Variants in KHDRBS2 observed in about 807,000 individuals in gnomAD.
KHDRBS2 encodes KH domain-containing, RNA-binding, signal transduction-associated protein 2.
Under a neutral mutation model 44.3 loss-of-function variants are expected in KHDRBS2, and 26 were observed. The observed-to-expected ratio is 0.59, with a 90% confidence interval of 0.43 to 0.81. KHDRBS2 has a LOEUF of 0.81. Ranked by LOEUF, KHDRBS2 falls within the 40% of genes least tolerant of loss-of-function variation. The probability of loss-of-function intolerance (pLI) is 0.00; values close to 1 mark genes in which losing one functional copy is unlikely to be tolerated. For missense variants in KHDRBS2, 476 were observed against 433.1 expected, an observed-to-expected ratio of 1.10 and a Z score of -0.88; for synonymous variants, 194 against 151.1, an observed-to-expected ratio of 1.28 and a Z score of -2.08.
intron 3 of KHDRBS2, among the ~76,000 whole-genome samples, chr6:61,984,900 C>A (rs1310333983): frequency 6.6e-6 from 1 of 152,200 alleles, no homozygotes; most frequent in Non-Finnish European, 1.5e-5. Context: ...GTATGTACCA[C>A]ATTACATATT....
chr6:61,631,328 A>AAAAAAAAAAAAC, the KHDRBS2 span, among the ~76,000 whole-genome samples: 1 of 126,714 alleles, frequency 7.9e-6, no homozygotes, highest in South Asian at 2.4e-4. Flanking sequence ...AAAAAAAAAA[A>AAAAAAAAAAAAC]AAAAAAAAAG....
intron 6 of KHDRBS2, among the ~76,000 whole-genome samples, chr6:61,883,625 T>A (rs1562365341): frequency 6.6e-6 from 1 of 152,066 alleles, no homozygotes; most frequent in Non-Finnish European, 1.5e-5. Flanking sequence ...AAAGGTGACA[T>A]CTTACATAAC....
intron 3 of KHDRBS2, among the ~76,000 whole-genome samples, chr6:62,028,517 G>A (rs190664022): frequency 5.8e-4 from 88 of 152,060 alleles, no homozygotes; most frequent in African/African-American, 2.0e-3. Context: ...CTTATACATG[G>A]TAAATGTAAT....
In KHDRBS2 at chr6:62,155,626, A is replaced by G. The variant is rs118161384; in HGVS notation, c.219+21559T>C. ...GCCCCAACACTGTCCAAGACATAGTAAAGTATGCATGCATCATTTTATTCA... is the reference window on the plus strand; with the variant it reads ...GCCCCAACACTGTCCAAGACATAGTGAAGTATGCATGCATCATTTTATTCA... On this transcript the variant is annotated intron_variant, in intron 2 of 8. Coordinates refer to ENST00000281156, the MANE Select transcript of KHDRBS2 (RefSeq NM_152688.4). 1.8e-4 allele frequency among the ~76,000 whole-genome samples: 27 copies of G among 152,330 alleles called. 1 individual carries two copies. In the East Asian group the frequency reaches 4.4e-3, roughly 25 times the overall value.
chr6:62,022,711 C>A (rs1193537231), intron 3 of KHDRBS2, among the ~76,000 whole-genome samples: 1 of 151,662 alleles, frequency 6.6e-6, no homozygotes, highest in Admixed American at 6.6e-5. Flanking sequence ...AAAAAACATT[C>A]AAAGACCAAT....
At chr6:61,566,714 G>T in the KHDRBS2 span, among the ~76,000 whole-genome samples, 2 of 99,164 alleles carry the variant, frequency 2.0e-5, no homozygotes, top group East Asian at 2.7e-4. Flanking sequence ...TTTAAAAAAC[G>T]TTCGCTCTTT....
chr6:61,678,008 T>C (rs1186315921), downstream of KHDRBS2, among the ~76,000 whole-genome samples: 17 of 151,826 alleles, frequency 1.1e-4, no homozygotes, highest in Non-Finnish European at 4.4e-5. Context: ...TTAACATATA[T>C]TATGGATATT....
At chr6:62,052,290 C>T (rs1279834938) in intron 2 of KHDRBS2, among the ~76,000 whole-genome samples, 6 of 151,614 alleles carry the variant, frequency 4.0e-5, no homozygotes, top group African/African-American at 1.5e-4. Flanking sequence ...TATTATTCAG[C>T]CTGAAAAACA....
chr6:62,116,723 T>C (rs1294322499), intron 2 of KHDRBS2, among the ~76,000 whole-genome samples: 1 of 152,166 alleles, frequency 6.6e-6, no homozygotes, highest in Non-Finnish European at 1.5e-5. Context: ...TCTAACCATA[T>C]ATATGTATAA....
intron 6 of KHDRBS2, among the ~76,000 whole-genome samples, chr6:61,733,455 C>T (rs1352745335): frequency 1.3e-5 from 2 of 151,882 alleles, no homozygotes; most frequent in African/African-American, 2.4e-5. Context: ...TTTAGCCAGG[C>T]GTGGTGGTGT....
intron 2 of KHDRBS2, among the ~76,000 whole-genome samples, chr6:62,098,586 C>T (rs1318338171): frequency 4.6e-5 from 7 of 152,158 alleles, no homozygotes; most frequent in East Asian, 1.9e-4. Flanking sequence ...TCTTTGTCTT[C>T]GACCTTTGAG....
intron 2 of KHDRBS2, among the ~76,000 whole-genome samples, chr6:62,132,367 C>G (rs1810525818): frequency 6.6e-6 from 1 of 152,068 alleles, no homozygotes; most frequent in African/African-American, 2.4e-5. Flanking sequence ...GTTCCTTGAC[C>G]AAGCACCCAA....
chr6:62,162,504 A>T (rs1423593876), intron 2 of KHDRBS2, among the ~76,000 whole-genome samples: 1 of 152,070 alleles, frequency 6.6e-6, no homozygotes, highest in Admixed American at 6.6e-5. Flanking sequence ...TGCTTTCAAG[A>T]TTCTCTTTGC....
chr6:62,053,140 A>T (rs1450652557), intron 2 of KHDRBS2, among the ~76,000 whole-genome samples: 1 of 152,050 alleles, frequency 6.6e-6, no homozygotes. Context: ...TAAAAAATAA[A>T]ATCAGCATAA....
intron 3 of KHDRBS2, among the ~76,000 whole-genome samples, chr6:62,006,454 C>T (rs1475877418): frequency 6.6e-6 from 1 of 151,894 alleles, no homozygotes; most frequent in Non-Finnish European, 1.5e-5. Context: ...AAATGAAGGT[C>T]AGAGCTGAAG....
chr6:62,281,889 A>G (rs1398086313), intron 1 of KHDRBS2, among the ~76,000 whole-genome samples: 1 of 152,170 alleles, frequency 6.6e-6, no homozygotes, highest in Non-Finnish European at 1.5e-5. Flanking sequence ...ATTTTCCACT[A>G]TATCATAAAT....
chr6:61,697,070 T>G, intron 8 of KHDRBS2, 125 bp downstream of exon 8: 1 of 725,314 alleles, frequency 1.4e-6, no homozygotes, highest in South Asian at 1.5e-5. Context: ...CACCCTGGAA[T>G]TACATGAATC....
chr6:61,679,604 G>A (rs1766131876), downstream of KHDRBS2, among the ~76,000 whole-genome samples: 1 of 151,918 alleles, frequency 6.6e-6, no homozygotes. Context: ...CCTCTAAACT[G>A]CCTTCTAGGG....
intron 2 of KHDRBS2, among the ~76,000 whole-genome samples, chr6:62,170,952 C>CAAAAAAAAAAAAAAAAA (rs34963723): frequency 7.7e-6 from 1 of 129,822 alleles, no homozygotes; most frequent in African/African-American, 2.9e-5. Context: ...AAGATAAACG[C>CAAAAAAAAAAAAAAAAA]AAAAAAAAAA....
Sources: gnomAD v4.1 joint callset for allele counts (sites outside exome capture counted in the v4.1 genomes callset) on GRCh38, gnomAD v4.1.1 for gene constraint, MANE v1.5 for transcripts, NCBI Gene and HGNC (gene_info 2026-07-23, HGNC 2026-07-21) for gene names.